Variants in WWOX observed in about 807,000 individuals in gnomAD.
The protein encoded by WWOX is WW domain containing oxidoreductase, also known as WW domain-containing oxidoreductase.
WWOX carries 69 observed loss-of-function variants against 46.2 expected under a neutral mutation model. The ratio of observed to expected loss-of-function variants is 1.49; its 90% CI spans 1.23 to 1.82. WWOX has a LOEUF of 1.82. Ranked by LOEUF, WWOX falls within the 40% of genes most tolerant of loss-of-function variation. The probability of loss-of-function intolerance (pLI) is 0.00; values close to 1 mark genes in which losing one functional copy is unlikely to be tolerated. For synonymous variants in WWOX, 359 were observed against 202.6 expected (o/e 1.77, Z -6.56); for missense variants, 919 against 542.6 (o/e 1.69, Z -6.89).
intron 5 of WWOX, among the ~76,000 whole-genome samples, chr16:78,235,019 G>A (rs910994397): frequency 1.3e-5 from 2 of 151,258 alleles, no homozygotes; most frequent in Non-Finnish European, 2.9e-5. Flanking sequence ...TGGGGGAGAG[G>A]AAAAAGAAAT....
chr16:79,017,434 A>G (rs1379566476), intron 8 of WWOX: 1 of 121,272 alleles, frequency 8.2e-6, no homozygotes, highest in Non-Finnish European at 1.6e-5. Context: ...CATCTCAAAA[A>G]AAAAAAAAAA....
At chr16:78,496,039 G>A (rs1352202078) in intron 8 of WWOX, 1 of 152,128 alleles carries the variant, frequency 6.6e-6, no homozygotes, top group Non-Finnish European at 1.5e-5. Context: ...TTTTAGTTTT[G>A]CTTTAGAATT....
intron 8 of WWOX, among the ~76,000 whole-genome samples, chr16:78,862,074 C>T (rs532295086): frequency 6.6e-6 from 1 of 151,930 alleles, no homozygotes; most frequent in Non-Finnish European, 1.5e-5. Flanking sequence ...ATATGCATAT[C>T]TATACACACC....
chr16:78,322,884 A>G (rs1249457105), intron 5 of WWOX, among the ~76,000 whole-genome samples: 1 of 152,198 alleles, frequency 6.6e-6, no homozygotes, highest in Non-Finnish European at 1.5e-5. Flanking sequence ...TGAACTTTTT[A>G]TGATTTTCAT....
chr16:78,657,424 A>G (rs1397977235), intron 8 of WWOX, among the ~76,000 whole-genome samples: 1 of 152,150 alleles, frequency 6.6e-6, no homozygotes, highest in Non-Finnish European at 1.5e-5. Flanking sequence ...CAGCATGTCA[A>G]GAACAATATT....
rs755471281 is a variant in WWOX at position 79,028,926 on chromosome 16, C to T, written c.1057-182682C>T. Among the ~76,000 whole-genome samples the T allele has an allele frequency of 7.3e-5, 11 of 151,678 alleles. 1 individual carries two copies. Among genetic ancestry groups the T allele is most frequent in the African/African-American group, 2.2e-4 (9 of 41,026 alleles). ...AAAAAAATGTTCATAAATTTATAGC[C>T]GCTGACATTGAAGTTGGAGAAAAGA... On this transcript the variant is annotated intron_variant, in intron 8 of 8. Coordinates refer to ENST00000566780, the MANE Select transcript of WWOX (RefSeq NM_016373.4).
At chr16:78,651,222 A>T (rs1036514870) in intron 8 of WWOX, among the ~76,000 whole-genome samples, 6 of 152,236 alleles carry the variant, frequency 3.9e-5, no homozygotes, top group Non-Finnish European at 8.8e-5. Context: ...GCCCTCTTTC[A>T]CGTGTGTGCA....
intron 8 of WWOX, among the ~76,000 whole-genome samples, chr16:78,573,464 A>G (rs190358889): frequency 5.9e-5 from 9 of 152,340 alleles, no homozygotes; most frequent in East Asian, 1.9e-4. Context: ...TGAATTTTCC[A>G]TACTCCATTC....
At chr16:79,041,397 C>T (rs931134274) in intron 8 of WWOX, among the ~76,000 whole-genome samples, 1 of 152,164 alleles carries the variant, frequency 6.6e-6, no homozygotes. Context: ...AAGGATTCCA[C>T]CCACCACGCC....
chr16:78,336,980 C>T (rs1296535251), intron 5 of WWOX, among the ~76,000 whole-genome samples: 1 of 152,048 alleles, frequency 6.6e-6, no homozygotes, highest in Non-Finnish European at 1.5e-5. Context: ...GGGGTTTCAG[C>T]ATGTTGGCCA....
At chr16:79,163,025 A>G (rs1296937859) in intron 8 of WWOX, among the ~76,000 whole-genome samples, 2 of 152,246 alleles carry the variant, frequency 1.3e-5, no homozygotes, top group African/African-American at 4.8e-5. Context: ...CAACAGTCAC[A>G]TGCAAGTATT....
intron 8 of WWOX, among the ~76,000 whole-genome samples, chr16:78,915,138 T>TA (rs1204947198): frequency 6.6e-6 from 1 of 152,082 alleles, no homozygotes; most frequent in African/African-American, 2.4e-5. Flanking sequence ...CTGCTGCAAT[T>TA]AAAAAATTAC....
Position 79,139,369 on chromosome 16 carries a change from C to G in WWOX, c.1057-72239C>G, listed in dbSNP as rs547519195. The stretch of plus-strand genomic sequence containing the variant: ...TGGGGATCCACTTTAATGTTGTTCT[C>G]TTGGTTTTGCTTAAACTGCCAAGTG... On this transcript the variant is annotated intron_variant, in intron 8 of 8. Coordinates refer to ENST00000566780, the MANE Select transcript of WWOX (RefSeq NM_016373.4). Among the ~76,000 whole-genome samples, 3 of 152,126 alleles carry G rather than the reference C, an allele frequency of 2.0e-5. No individual in the cohort carries two copies. The South Asian group carries it at 6.2e-4, about 32-fold the overall frequency.
chr16:78,174,246 C>T lies in WWOX; in HGVS notation c.516+9957C>T, dbSNP rs186334688. Among the ~76,000 whole-genome samples, 33 of 152,294 alleles carry T rather than the reference C, an allele frequency of 2.2e-4. No individual in the cohort carries two copies. The East Asian group carries it at 6.2e-3, about 28-fold the overall frequency. On this transcript the variant is annotated intron_variant, in intron 5 of 8. Coordinates refer to ENST00000566780, the MANE Select transcript of WWOX (RefSeq NM_016373.4). ...CAGAATCATGGTAGGAGGCGAAAGGCACTTCTTATATGGTGTCAGCAAGAG... is the reference window on the plus strand; with the variant it reads ...CAGAATCATGGTAGGAGGCGAAAGGTACTTCTTATATGGTGTCAGCAAGAG...
At chr16:79,001,436 G>C (rs1019559677) in intron 8 of WWOX, among the ~76,000 whole-genome samples, 3 of 152,162 alleles carry the variant, frequency 2.0e-5, no homozygotes, top group East Asian at 1.9e-4. Flanking sequence ...TGTGAAGCCA[G>C]ATATTGGTGC....
intron 3 of WWOX, among the ~76,000 whole-genome samples, 195 bp from the exon 4 acceptor site, chr16:78,114,781 G>A (rs1409994443): frequency 6.6e-6 from 1 of 152,118 alleles, no homozygotes. Context: ...AGGATTCGAT[G>A]ACTATCTTTT....
At chr16:78,960,647 C>T (rs8055881) in intron 8 of WWOX, among the ~76,000 whole-genome samples, 1,728 of 152,290 alleles carry the variant, frequency 0.011, 28 homozygotes, top group African/African-American at 0.039. Context: ...TTCTCACAGT[C>T]TGGAGGGAAC....
At chr16:79,124,339 T>C (rs2049704575) in intron 8 of WWOX, among the ~76,000 whole-genome samples, 1 of 129,418 alleles carries the variant, frequency 7.7e-6, no homozygotes, top group Non-Finnish European at 1.7e-5. Context: ...GTTTTATTCA[T>C]GGACTTTTTG....
At chr16:78,785,818 A>G (rs764608799) in intron 8 of WWOX, among the ~76,000 whole-genome samples, 2 of 152,248 alleles carry the variant, frequency 1.3e-5, no homozygotes, top group African/African-American at 2.4e-5. Context: ...TTAAAATACC[A>G]AAAAATATTT....
Sources: allele counts gnomAD v4.1 joint callset (sites outside exome capture counted in the v4.1 genomes callset), GRCh38; gene constraint gnomAD v4.1.1; transcripts MANE v1.5; gene names NCBI Gene and HGNC (gene_info 2026-07-23, HGNC 2026-07-21).